AMZ1: variants seen among roughly 807,000 people sequenced by gnomAD.
The protein encoded by AMZ1 is archaelysin family metallopeptidase 1.
Under a neutral mutation model 29.9 loss-of-function variants are expected in AMZ1, and 39 were observed. The observed-to-expected ratio is 1.30, with a 90% CI of 1.01 to 1.70. The LOEUF (loss-of-function observed/expected upper bound fraction) is 1.70. Ranked by LOEUF, AMZ1 falls within the 40% of genes most tolerant of loss-of-function variation. The pLI is 0.00. For synonymous variants in AMZ1, 458 were observed against 304.0 expected (o/e 1.51, Z -5.27); for missense variants, 1,041 against 680.6 (o/e 1.53, Z -5.89).
chr7:2,709,184 C>G lies in AMZ1; in HGVS notation c.711C>G (p.Pro237=), dbSNP rs765613498. The G allele has an allele frequency of 1.9e-6, 3 of 1,538,894 alleles. No individual in the cohort carries two copies. Among genetic ancestry groups the G allele is most frequent in the East Asian group, 2.3e-5 (1 of 43,308 alleles). ...CAGCAGCAGACGGCCCCGAGGCCCC[C>G]CTGCAGGACAGGGGCTGGGCCCTGT... ...VEAAADGPEA[P]LQDRGWALCF... Residue 237 remains proline (P), a synonymous_variant, in exon 5 of 7, where the codon CCC becomes CCG. Transcript: ENST00000683327.
chr7:2,752,303 G>A (rs959727777), intron 4 of AMZ1, among the ~76,000 whole-genome samples: 3 of 152,110 alleles, frequency 2.0e-5, no homozygotes, highest in Non-Finnish European at 4.4e-5. Flanking sequence ...GTTTGATAAA[G>A]GGCATCTATG....
chr7:2,727,833 C>T (rs572901824), intron 4 of AMZ1, among the ~76,000 whole-genome samples: 2 of 151,362 alleles, frequency 1.3e-5, no homozygotes, highest in Non-Finnish European at 2.9e-5. Flanking sequence ...TGAGGTGGGC[C>T]GATCACGAGG....
chr7:2,682,322 G>A (rs2115022025), intron 1 of AMZ1, among the ~76,000 whole-genome samples: 1 of 152,206 alleles, frequency 6.6e-6, no homozygotes, highest in East Asian at 1.9e-4. Flanking sequence ...CAGGAGTCAG[G>A]GTCTCGTGTC....
Position 2,713,387 on chromosome 7 carries a change from C to G in AMZ1, c.*509C>G, listed in dbSNP as rs60590917. The G allele has an allele frequency of 6.6e-6, 1 of 152,630 alleles. No individual in the cohort carries two copies. The highest frequency in any genetic ancestry group is 1.5e-5 in the Non-Finnish European group (1 of 68,322). 9.5% of individuals were successfully genotyped at this position (152,630 alleles called of 1,614,324 possible). A position where few individuals can be genotyped will look rare whatever the true frequency, so the allele number is the denominator to read the frequency against. On this transcript the variant is annotated 3_prime_UTR_variant, in exon 7 of 7. Transcript: ENST00000683327. Reference sequence around the variant, plus strand: ...TGGGTGCTTCTCGTGGAGTACAAGCCGGACTGTGCTGAGGTTGGGACAGAG... The same window carrying G: ...TGGGTGCTTCTCGTGGAGTACAAGCGGGACTGTGCTGAGGTTGGGACAGAG...
chr7:2,709,126 G>A lies in AMZ1; in HGVS notation c.653G>A (p.Gly218Glu), dbSNP rs1367429854. 1 of 1,599,188 alleles carries A rather than the reference G, an allele frequency of 6.3e-7. No individual in the cohort carries two copies. Among genetic ancestry groups the A allele is most frequent in the South Asian group, 1.1e-5 (1 of 89,340 alleles). ...ARFSGEFPKS[G>E]PSAPDLALVE... is the part of the protein sequence containing the mutation. ...TTCTCAGGGGAATTCCCGAAGTCGGGGCCCAGCGCCCCTGATCTGGCCCTG... is the reference window on the plus strand; with the variant it reads ...TTCTCAGGGGAATTCCCGAAGTCGGAGCCCAGCGCCCCTGATCTGGCCCTG... The change falls in exon 5 of 7, where the codon GGG becomes GAG. Residue 218 changes from glycine (G) to glutamate (E), a missense_variant. By Grantham distance (98) the Gly-to-Glu change is moderately conservative. Transcript: ENST00000683327.
intron 6 of AMZ1, among the ~76,000 whole-genome samples, chr7:2,711,853 G>C (rs1788800628): frequency 6.6e-6 from 1 of 152,140 alleles, no homozygotes; most frequent in Non-Finnish European, 1.5e-5. Flanking sequence ...AGACCAGCCT[G>C]GCTAACATGG....
intron 3 of AMZ1, among the ~76,000 whole-genome samples, chr7:2,705,083 G>A (rs184578314): frequency 6.6e-6 from 1 of 152,124 alleles, no homozygotes; most frequent in Non-Finnish European, 1.5e-5. Context: ...TGTTATTTTT[G>A]ATTGTTAGTT....
At chr7:2,739,173 G>A (rs1483975327) in intron 4 of AMZ1, among the ~76,000 whole-genome samples, 1 of 152,112 alleles carries the variant, frequency 6.6e-6, no homozygotes, top group Non-Finnish European at 1.5e-5. Context: ...TTTTCATTAG[G>A]TAAGATCTAC....
chr7:2,705,206 G>A (rs376334015), intron 3 of AMZ1, among the ~76,000 whole-genome samples: 3 of 152,184 alleles, frequency 2.0e-5, no homozygotes, highest in East Asian at 3.8e-4. Context: ...GGCTGACTGT[G>A]GGACAAAGAC....
Position 2,713,043 on chromosome 7 carries a change from G to C in AMZ1, c.*165G>C, listed in dbSNP as rs1788902316. 8.8e-6 allele frequency: 6 copies of C among 682,400 alleles called. No individual in the cohort carries two copies. The highest frequency in any genetic ancestry group is 1.1e-5 in the Non-Finnish European group (5 of 461,288). The allele number at this position is 682,400 out of a possible 1,614,324, so 42.3% of individuals were successfully genotyped here. A position where few individuals can be genotyped will look rare whatever the true frequency, so the allele number is the denominator to read the frequency against. On this transcript the variant is annotated 3_prime_UTR_variant, in exon 7 of 7. Coordinates refer to ENST00000683327, the MANE Select transcript of AMZ1 (RefSeq NM_001384743.1). ...TTGAGAGGCCAGGAGTTTGAGACCA[G>C]ACTGGGCAACATGGTGAGACTCTGC...
chr7:2,681,716 C>A (rs1786890789), intron 1 of AMZ1, among the ~76,000 whole-genome samples: 1 of 152,154 alleles, frequency 6.6e-6, no homozygotes, highest in Non-Finnish European at 1.5e-5. Flanking sequence ...GTGTCTTTTC[C>A]TGCTGGAGAA....
chr7:2,751,966 A>G lies in AMZ1; in HGVS notation n.551-12746A>G, dbSNP rs370416020. Among the ~76,000 whole-genome samples the G allele has an allele frequency of 7.9e-5, 12 of 152,362 alleles. No homozygotes were observed. In the East Asian group the frequency reaches 1.9e-3, roughly 24 times the overall value. ...TAACGAACGTGAACTTTTTCAGAAA[A>G]TCAAAGAGGAAGAAATAATTTCCAA... On this transcript the variant is annotated intron_variant and non_coding_transcript_variant, in intron 4 of 4. Coordinates refer to the AMZ1 transcript ENST00000489665.
chr7:2,695,643 T>C (rs1787666349), intron 1 of AMZ1, among the ~76,000 whole-genome samples: 1 of 151,422 alleles, frequency 6.6e-6, no homozygotes, highest in Admixed American at 6.6e-5. Flanking sequence ...AGCCCAGGAG[T>C]TGGAGGCTGC....
rs569499422 is a variant in AMZ1, at chr7:2,717,024, G to T, written c.*4146G>T. 6.6e-6 allele frequency among the ~76,000 whole-genome samples: 1 copy of T among 152,176 alleles called. No homozygotes were observed. Among genetic ancestry groups the T allele is most frequent in the African/African-American group, 2.4e-5 (1 of 41,450 alleles). ...GCAGGAAGAGAGTAAGAAGGCGCAC[G>T]GACGCGGGAGGCCTGCACCCTGATC... is the stretch of plus-strand genomic sequence containing the variant. On this transcript the variant is annotated 3_prime_UTR_variant, in exon 7 of 7. Transcript: ENST00000683327.
chr7:2,762,430 G>A, upstream of AMZ1: 1 of 495,718 alleles, frequency 2.0e-6, no homozygotes, highest in Non-Finnish European at 3.5e-6. Flanking sequence ...ACTTGGCCAA[G>A]GGCAAAAACG....
rs562915370 is a variant in AMZ1, at chr7:2,717,547, G to A, written c.*4669G>A. ...GATCCCTGTGGGGCAACTGCACACA[G>A]AGGTGCCCAGTTTCAAGGAAACCTA... On this transcript the variant is annotated 3_prime_UTR_variant, in exon 7 of 7. Transcript: ENST00000683327. Among the ~76,000 whole-genome samples, 2 of 152,232 alleles carry A rather than the reference G, an allele frequency of 1.3e-5. No individual in the cohort carries two copies. The highest frequency in any genetic ancestry group is 2.9e-5 in the Non-Finnish European group (2 of 68,044).
At chr7:2,736,964 T>G (rs1046223556) in intron 4 of AMZ1, among the ~76,000 whole-genome samples, 1 of 152,190 alleles carries the variant, frequency 6.6e-6, no homozygotes, top group African/African-American at 2.4e-5. Context: ...AGGGGCTGAC[T>G]CTGGTTCCCT....
chr7:2,690,608 T>A (rs1472830929), intron 1 of AMZ1, among the ~76,000 whole-genome samples: 2 of 152,054 alleles, frequency 1.3e-5, no homozygotes, highest in African/African-American at 4.8e-5. Flanking sequence ...GGGTTTCCGA[T>A]GTAGATGCTC....
chr7:2,691,056 G>C (rs7456875), intron 1 of AMZ1, among the ~76,000 whole-genome samples: 1,953 of 143,518 alleles, frequency 0.014, 44 homozygotes, highest in African/African-American at 0.048. Context: ...CATGAGAATC[G>C]CTTGAACCCT....
Sources: gnomAD v4.1 joint callset for allele counts (sites outside exome capture counted in the v4.1 genomes callset) on GRCh38, gnomAD v4.1.1 for gene constraint, MANE v1.5 for transcripts, NCBI Gene and HGNC (gene_info 2026-07-23, HGNC 2026-07-21) for gene names.